SEPTIN3: variants seen among roughly 807,000 people sequenced by gnomAD.
The protein encoded by SEPTIN3 is neuronal-specific septin-3.
SEPTIN3 carries 15 observed loss-of-function variants against 45.1 expected under a neutral mutation model. The observed-to-expected ratio is 0.33, with a 90% CI of 0.22 to 0.51. The LOEUF is 0.51. Ranked by LOEUF, SEPTIN3 falls within the 20% of genes least tolerant of loss-of-function variation. The pLI, the probability that SEPTIN3 is intolerant of heterozygous loss-of-function variation, is 0.97. For synonymous variants in SEPTIN3, 148 were observed against 164.8 expected, an observed-to-expected ratio of 0.90 and a Z score of 0.78; for missense variants, 289 against 457.2, an observed-to-expected ratio of 0.63 and a Z score of 3.35.
At chr22:41,992,478 C>T (rs1437885664) in intron 8 of SEPTIN3, among the ~76,000 whole-genome samples, 186 bp from the exon 9 acceptor site, 3 of 152,208 alleles carry the variant, frequency 2.0e-5, no homozygotes, top group Non-Finnish European at 4.4e-5. Flanking sequence ...CAGGACTCTT[C>T]AATCTCAGTC....
Position 41,997,012 on chromosome 22 carries a change from T to A in SEPTIN3, c.*45T>A. ...TTCTCACTCCATTCCTCTCAGCTGT[T>A]ATTGCTGCAGGGCCAAGCCCTTTTT... On this transcript the variant is annotated 3_prime_UTR_variant, in exon 12 of 12. Transcript: ENST00000644076. 4.3e-6 allele frequency: 7 copies of A among 1,613,428 alleles called. No homozygotes were observed. Among genetic ancestry groups the A allele is most frequent in the Non-Finnish European group, 5.9e-6 (7 of 1,179,730 alleles).
In SEPTIN3 at chr22:41,972,342, G is replaced by A. The variant is rs904130061; in HGVS notation, c.850G>A (p.Ala284Thr). 1.3e-5 allele frequency: 5 copies of A among 399,080 alleles called. No individual in the cohort carries two copies. The highest frequency in any genetic ancestry group is 2.2e-5 in the Non-Finnish European group (5 of 226,172). 24.7% of individuals were successfully genotyped at this position (399,080 alleles called of 1,614,324 possible). Residue 284 changes from alanine (A) to threonine (T), a missense_variant, in exon 2 of 12, where the codon GCC becomes ACC. Coordinates refer to ENST00000644076, the MANE Select transcript of SEPTIN3 (RefSeq NM_001363845.2). Reference sequence around the variant, plus strand: ...CAGACCTAGCTTGGCTATCAATTTAGCCACACCAAACACATCCCAACTGGA... The same window carrying A: ...CAGACCTAGCTTGGCTATCAATTTAACCACACCAAACACATCCCAACTGGA... ...TNRPSLAINLATPNTSQLDTG... is the reference protein window; with the variant it reads ...TNRPSLAINLTTPNTSQLDTG...
chr22:41,975,624 ACT>A (rs1285453441), intron 2 of SEPTIN3, among the ~76,000 whole-genome samples: 33 of 151,438 alleles, frequency 2.2e-4, no homozygotes, highest in Admixed American at 2.1e-3. Context: ...CCCTGATCTC[ACT>A]CTCTCAGCTG....
At chr22:41,971,232 C>T (rs932223727) in intron 1 of SEPTIN3, among the ~76,000 whole-genome samples, 2 of 152,162 alleles carry the variant, frequency 1.3e-5, no homozygotes, top group African/African-American at 4.8e-5. Flanking sequence ...GTGCCCACCC[C>T]ACTGTGTGGT....
rs369867839 is a variant in SEPTIN3 at position 41,996,945 on chromosome 22, C to A, written c.2549C>A (p.Thr850Asn). ...ACTGTCCTTCCACCTGTGCCAGCCA[C>A]CCCCTGCCCCACTGCTGAATGAAGG... ...LGTVLPPVPA[T>N]PCPTAE Residue 850 changes from threonine to asparagine, a missense_variant, in exon 12 of 12, where the codon ACC becomes AAC. By Grantham distance (65) the Thr-to-Asn change is moderately conservative. This residue lies in a region of SEPTIN3 where 84 missense variants were observed against 114.7 expected (regional missense o/e 0.73). Transcript: ENST00000644076. 22 of 1,613,954 alleles carry A rather than the reference C, an allele frequency of 1.4e-5. No homozygotes were observed. The highest frequency in any genetic ancestry group is 1.3e-4 in the South Asian group (12 of 91,088).
At position 41,997,944 on chromosome 22, in the gene SEPTIN3, C is replaced by G. The variant is rs1442731636; in HGVS notation, c.*977C>G. Reference sequence around the variant, plus strand: ...TGTGTCTTTATAGAATTCCCCTTTGCCCACCCTCTTCCTGTCTCCACCTGG... The same window carrying G: ...TGTGTCTTTATAGAATTCCCCTTTGGCCACCCTCTTCCTGTCTCCACCTGG... On this transcript the variant is annotated 3_prime_UTR_variant, in exon 12 of 12. Coordinates refer to ENST00000644076, the MANE Select transcript of SEPTIN3 (RefSeq NM_001363845.2). The G allele has an allele frequency of 6.5e-6, 1 of 152,698 alleles. No individual in the cohort carries two copies. The highest frequency in any genetic ancestry group is 1.5e-5 in the Non-Finnish European group (1 of 68,060). 9.5% of individuals were successfully genotyped at this position (152,698 alleles called of 1,614,324 possible).
rs752111182 is a variant in SEPTIN3, at chr22:41,991,598, G to A, written c.2189G>A (p.Gly730Asp). ...QRVRKELEVN[G>D]IEFYPQKEFD... ...GTTCGCAAGGAGCTTGAAGTAAATGGCATTGAATTCTACCCCCAGAAGGAA... is the reference window on the plus strand; with the variant it reads ...GTTCGCAAGGAGCTTGAAGTAAATGACATTGAATTCTACCCCCAGAAGGAA... Residue 730 changes from glycine (G) to aspartate (D), a missense_variant, in exon 8 of 12, where the codon GGC becomes GAC. By Grantham distance (94) the Gly-to-Asp change is moderately conservative (BLOSUM62 -1). Around this residue, in one of 3 missense-constraint regions of SEPTIN3, gnomAD observed 200 missense variants for 315.1 expected, o/e 0.63. Coordinates refer to ENST00000644076, the MANE Select transcript of SEPTIN3 (RefSeq NM_001363845.2). 6.2e-7 allele frequency: 1 copy of A among 1,613,750 alleles called. No homozygotes were observed. Among genetic ancestry groups the A allele is most frequent in the African/African-American group, 1.3e-5 (1 of 74,906 alleles).
chr22:41,997,971 C>T lies in SEPTIN3; in HGVS notation c.*1004C>T, dbSNP rs566693876. 3.2e-4 allele frequency: 49 copies of T among 152,804 alleles called. No homozygotes were observed. Among genetic ancestry groups the T allele is most frequent in the African/African-American group, 1.1e-3 (46 of 41,576 alleles). 9.5% of individuals were successfully genotyped at this position (152,804 alleles called of 1,614,324 possible). A position where few individuals can be genotyped will look rare whatever the true frequency, so the allele number is the denominator to read the frequency against. ...CACCCTCTTCCTGTCTCCACCTGGA[C>T]ACAACTTGCTCAAAGGCTGGTGACT... On this transcript the variant is annotated 3_prime_UTR_variant, in exon 12 of 12. Coordinates refer to ENST00000644076, the MANE Select transcript of SEPTIN3 (RefSeq NM_001363845.2).
At chr22:41,996,867 C>G (rs1399389972) in intron 11 of SEPTIN3, 35 bp from the exon 12 acceptor site, 4 of 1,612,200 alleles carry the variant, frequency 2.5e-6, no homozygotes, top group Non-Finnish European at 3.4e-6. Flanking sequence ...AGCTGCTGGT[C>G]TCCACACCCT....
chr22:41,984,861 T>A (rs1435426663), intron 3 of SEPTIN3, among the ~76,000 whole-genome samples: 4 of 88,898 alleles, frequency 4.5e-5, no homozygotes, highest in Non-Finnish European at 7.7e-5. Flanking sequence ...TTTTTTTTTT[T>A]TTTTTTTTTG....
Position 41,972,569 on chromosome 22 carries a change from G to A in SEPTIN3, c.1077G>A (p.Lys359=). The change falls in exon 2 of 12, where the codon AAG becomes AAA. Residue 359 remains lysine, a synonymous_variant. Coordinates refer to ENST00000644076, the MANE Select transcript of SEPTIN3 (RefSeq NM_001363845.2). ...VMDLIASEPD[K]LGKAMATRST... is the part of the protein sequence containing the mutation. ...ATTTGATAGCCTCAGAACCAGACAA[G>A]CTGGGCAAAGCCATGGCTACAAGAA... The A allele has an allele frequency of 2.5e-6, 1 of 399,164 alleles. No homozygotes were observed. Among genetic ancestry groups the A allele is most frequent in the Non-Finnish European group, 4.4e-6 (1 of 226,138 alleles). 24.7% of individuals were successfully genotyped at this position (399,164 alleles called of 1,614,324 possible). A position where few individuals can be genotyped will look rare whatever the true frequency, so the allele number is the denominator to read the frequency against.
In SEPTIN3 at chr22:41,991,705, C is replaced by T. The variant is rs760117100; in HGVS notation, c.2259+37C>T. ...GGGCACTGCTCCTCCACTGATGCCC[C>T]CTTGCGACCTCTGGGATGTGTATTG... On this transcript the variant is annotated intron_variant, in intron 8 of 11. Transcript: ENST00000644076. 3 of 1,318,000 alleles carry T rather than the reference C, an allele frequency of 2.3e-6. No individual in the cohort carries two copies. In the East Asian group the frequency reaches 6.9e-5, roughly 30 times the overall value. 81.6% of individuals were successfully genotyped at this position (1,318,000 alleles called of 1,614,324 possible).
chr22:41,989,713 G>C, intron 7 of SEPTIN3, 29 bp downstream of exon 7: 2 of 1,413,088 alleles, frequency 1.4e-6, no homozygotes, highest in Non-Finnish European at 2.0e-6. Flanking sequence ...TTCTTTTCCT[G>C]TTCCCATCCC....
At chr22:41,984,023 C>T (rs527259885) in intron 3 of SEPTIN3, among the ~76,000 whole-genome samples, 7 of 152,314 alleles carry the variant, frequency 4.6e-5, no homozygotes, top group African/African-American at 1.7e-4. Context: ...CCACTTCTCT[C>T]CCCAGTGGTG....
chr22:41,974,157 G>GA lies in SEPTIN3; in HGVS notation c.1504+1165dup, dbSNP rs1371229585. 2.7e-3 allele frequency among the ~76,000 whole-genome samples: 372 copies of GA among 135,492 alleles called. 1 individual carries two copies. The highest frequency in any genetic ancestry group is 8.9e-3 in the African/African-American group (351 of 39,376). 88.9% of individuals were successfully genotyped at this position (135,492 alleles called of 152,430 possible). On this transcript the variant is annotated intron_variant, in intron 2 of 11. Coordinates refer to ENST00000644076, the MANE Select transcript of SEPTIN3 (RefSeq NM_001363845.2). ...ACCCTGTCTCAAAAAAAAAAAAAAA[G>GA]AAAAGAAAAAGAAAGGTTAACAGGG...
Position 41,994,843 on chromosome 22 carries a change from C to T in SEPTIN3, c.2505+129C>T. 1 of 1,593,624 alleles carries T rather than the reference C, an allele frequency of 6.3e-7. No individual in the cohort carries two copies. ...ACCAACCACCTTCTTCCTCTCAACT[C>T]TGTCCCACAGGCCTGTCTGGTATTT... On this transcript the variant is annotated intron_variant, in intron 11 of 11. Coordinates refer to ENST00000644076, the MANE Select transcript of SEPTIN3 (RefSeq NM_001363845.2). This position sits in a 1 kb window ranked among gnomAD's most constrained non-coding sequence, Gnocchi z 4.2.
At chr22:41,988,651 C>A (rs1040772579) in intron 6 of SEPTIN3, among the ~76,000 whole-genome samples, 9 of 152,274 alleles carry the variant, frequency 5.9e-5, no homozygotes, top group Admixed American at 2.6e-4. Flanking sequence ...AACCATCAGA[C>A]AGACTGACTT....
In SEPTIN3 at chr22:41,977,640, G is replaced by T. The variant is rs188492459; in HGVS notation, c.1505-4005G>T. On this transcript the variant is annotated intron_variant, in intron 2 of 11. Coordinates refer to ENST00000644076, the MANE Select transcript of SEPTIN3 (RefSeq NM_001363845.2). The stretch of plus-strand genomic sequence containing the variant: ...GGGTGGGCTGGAATTGCCTTTGTGG[G>T]GGGCGGTGGGGTCCTGAAGGCTGCG... 9.9e-3 allele frequency among the ~76,000 whole-genome samples: 1,500 copies of T among 152,010 alleles called. 8 individuals are homozygous for T. The highest frequency in any genetic ancestry group is 0.015 in the Non-Finnish European group (1,051 of 67,938).
intron 2 of SEPTIN3, among the ~76,000 whole-genome samples, chr22:41,978,077 CT>C (rs774953627): frequency 6.6e-5 from 10 of 152,190 alleles, no homozygotes; most frequent in Non-Finnish European, 1.3e-4. Flanking sequence ...CTTCCCCACC[CT>C]TGGGGAGCCC....
Sources: gnomAD v4.1 joint callset for allele counts (sites outside exome capture counted in the v4.1 genomes callset) on GRCh38, gnomAD v4.1.1 for gene constraint, gnomAD v4.1.1 regional missense constraint, Gnocchi (gnomAD v3.1) non-coding constraint, MANE v1.5 for transcripts, NCBI Gene and HGNC (gene_info 2026-07-23, HGNC 2026-07-21) for gene names.